Variants in PDE4D observed in about 807,000 individuals in gnomAD.
PDE4D encodes the protein 3',5'-cyclic-AMP phosphodiesterase 4D.
A neutral mutation model predicts 87.4 loss-of-function variants in PDE4D; 24 were observed. The ratio of observed to expected loss-of-function variants is 0.27; its 90% CI spans 0.20 to 0.39. PDE4D has a LOEUF of 0.39. Ranked by LOEUF, PDE4D falls within the 10% of genes least tolerant of loss-of-function variation. The pLI is 1.00. For synonymous variants in PDE4D, 384 were observed against 383.2 expected, an observed-to-expected ratio of 1.00 and a Z score of -0.02; for missense variants, 714 against 1,041.0, an observed-to-expected ratio of 0.69 and a Z score of 4.32.
chr5:59,614,036 A>T (rs1294631692), intron 1 of PDE4D, among the ~76,000 whole-genome samples: 2 of 152,170 alleles, frequency 1.3e-5, no homozygotes, highest in Non-Finnish European at 2.9e-5. Flanking sequence ...TTTGAGTTAC[A>T]GTTTACACAT....
intron 1 of PDE4D, among the ~76,000 whole-genome samples, chr5:59,616,586 G>A (rs1829699546): frequency 6.6e-6 from 1 of 152,074 alleles, no homozygotes; most frequent in Non-Finnish European, 1.5e-5. Context: ...CTGTCTCTGT[G>A]ATAATGTCAT....
At chr5:60,493,865 C>A (rs578262336) in intron 1 of PDE4D, among the ~76,000 whole-genome samples, 3 of 151,852 alleles carry the variant, frequency 2.0e-5, no homozygotes, top group South Asian at 2.1e-4. Context: ...GGTGGTTACA[C>A]CCTCCTGAGT....
intron 1 of PDE4D, among the ~76,000 whole-genome samples, chr5:59,734,046 C>A (rs2150623967): frequency 6.6e-6 from 1 of 152,092 alleles, no homozygotes; most frequent in African/African-American, 2.4e-5. Flanking sequence ...TTATCAGAAT[C>A]ACCTTTCAAT....
chr5:59,484,809 A>C (rs1199609874), intron 1 of PDE4D, among the ~76,000 whole-genome samples: 1 of 152,196 alleles, frequency 6.6e-6, no homozygotes, highest in Non-Finnish European at 1.5e-5. Context: ...GAAACCATTT[A>C]GTCATTTGTT....
chr5:59,022,049 A>G (rs140450437), intron 6 of PDE4D, among the ~76,000 whole-genome samples: 14 of 152,264 alleles, frequency 9.2e-5, no homozygotes, highest in Admixed American at 4.6e-4. Flanking sequence ...GCCAACTATT[A>G]GTGCTAAAAA....
upstream of PDE4D, among the ~76,000 whole-genome samples, chr5:59,894,493 T>C (rs1452012150): frequency 1.3e-5 from 2 of 152,190 alleles, no homozygotes; most frequent in African/African-American, 4.8e-5. Context: ...GCAGGGAGAA[T>C]GCCCAATGTT....
intron 1 of PDE4D, among the ~76,000 whole-genome samples, chr5:59,222,229 C>T (rs971138414): frequency 1.3e-5 from 2 of 152,348 alleles, no homozygotes; most frequent in South Asian, 4.1e-4. Context: ...CAACTGCTCG[C>T]ATACTTTGTG....
chr5:60,335,217 G>C (rs1757643616), intron 1 of PDE4D: 1 of 152,232 alleles, frequency 6.6e-6, no homozygotes, highest in Non-Finnish European at 1.5e-5. Flanking sequence ...AGGGAAGGGA[G>C]TGCAGTGTGA....
intron 6 of PDE4D, among the ~76,000 whole-genome samples, chr5:59,012,003 C>T (rs10053330): frequency 0.2 from 31,120 of 152,174 alleles, 3,653 homozygotes; most frequent in East Asian, 0.55. Context: ...CAATATTCAA[C>T]ATTCTTAAAG....
intron 2 of PDE4D, among the ~76,000 whole-genome samples, chr5:60,105,135 A>G (rs924405478): frequency 9.2e-5 from 14 of 152,358 alleles, no homozygotes; most frequent in African/African-American, 3.4e-4. Context: ...ACGAACGTAT[A>G]GCTAGAATAA....
At chr5:60,402,847 C>G (rs2910629) in intron 1 of PDE4D, among the ~76,000 whole-genome samples, 59,972 of 152,044 alleles carry the variant, frequency 0.39, 14,305 homozygotes, top group African/African-American at 0.66. Context: ...CCCTTATGCT[C>G]TTATTATCAG....
intron 3 of PDE4D, among the ~76,000 whole-genome samples, chr5:59,933,215 A>G (rs1581795700): frequency 6.6e-6 from 1 of 152,346 alleles, no homozygotes; most frequent in East Asian, 1.9e-4. Context: ...AGAGGAAAAC[A>G]TTACAGTTTG....
At chr5:59,291,743 T>TTG (rs1561895065) in intron 1 of PDE4D, among the ~76,000 whole-genome samples, 1 of 149,682 alleles carries the variant, frequency 6.7e-6, no homozygotes, top group Non-Finnish European at 1.5e-5. Flanking sequence ...AAGAAGTTTT[T>TTG]TTTTTTTTTT....
intron 3 of PDE4D, among the ~76,000 whole-genome samples, chr5:59,969,502 C>A (rs1760455154): frequency 6.6e-6 from 1 of 152,192 alleles, no homozygotes; most frequent in African/African-American, 2.4e-5. Flanking sequence ...AATGTCTCAC[C>A]TGCCAGGTCT....
chr5:59,070,989 T>A (rs1315426882), intron 5 of PDE4D, among the ~76,000 whole-genome samples: 1 of 152,208 alleles, frequency 6.6e-6, no homozygotes, highest in Non-Finnish European at 1.5e-5. Flanking sequence ...TTCCAGTAGC[T>A]TCCTGAGTCA....
chr5:59,385,001 A>G (rs1174911598), intron 1 of PDE4D, among the ~76,000 whole-genome samples: 1 of 152,156 alleles, frequency 6.6e-6, no homozygotes, highest in African/African-American at 2.4e-5. Context: ...TTTTGCTAGT[A>G]GTTAATAATT....
At chr5:59,634,114 C>T (rs920818838) in intron 1 of PDE4D, among the ~76,000 whole-genome samples, 1 of 151,794 alleles carries the variant, frequency 6.6e-6, no homozygotes, top group Non-Finnish European at 1.5e-5. Context: ...GACTTTAAAC[C>T]AAAAAAGACA....
intron 1 of PDE4D, among the ~76,000 whole-genome samples, chr5:59,798,715 T>A (rs1349455318): frequency 1.3e-5 from 2 of 152,238 alleles, no homozygotes; most frequent in Non-Finnish European, 2.9e-5. Context: ...ATTGCTTCCA[T>A]TTCTTCAAAC....
chr5:60,435,470 T>C (rs1262699289), intron 1 of PDE4D, among the ~76,000 whole-genome samples: 4 of 152,112 alleles, frequency 2.6e-5, no homozygotes, highest in South Asian at 4.1e-4. Flanking sequence ...AAAGTTTAGG[T>C]TTACATTTGG....
Sources: allele counts gnomAD v4.1 joint callset (sites outside exome capture counted in the v4.1 genomes callset), GRCh38; gene constraint gnomAD v4.1.1; transcripts MANE v1.5; gene names NCBI Gene and HGNC (gene_info 2026-07-23, HGNC 2026-07-21).